The following MIA2 variants were observed in gnomAD, a reference collection of about 807,000 sequenced individuals.
MIA2 encodes MIA SH3 domain ER export factor 2.
In MIA2, 127 loss-of-function variants were observed where a neutral mutation model predicts 167.8. The observed-to-expected ratio is 0.76, with a 90% confidence interval of 0.66 to 0.88. The LOEUF (loss-of-function observed/expected upper bound fraction) is 0.88, where lower values mean the gene tolerates loss of function less well. MIA2 is among the 40% of genes least tolerant of loss of function. The pLI, the probability that MIA2 is intolerant of heterozygous loss-of-function variation, is 0.00. For missense variants in MIA2, 1,690 were observed against 1,624.7 expected, an observed-to-expected ratio of 1.04 and a Z score of -0.69; for synonymous variants, 552 against 541.9, an observed-to-expected ratio of 1.02 and a Z score of -0.26.
chr14:39,341,207 C>T (rs970749422), intron 25 of MIA2, among the ~76,000 whole-genome samples: 3 of 152,016 alleles, frequency 2.0e-5, no homozygotes, highest in African/African-American at 7.2e-5. Flanking sequence ...GAGGCTGAGG[C>T]AGGAGAATTG....
At position 39,350,134 on chromosome 14, in the gene MIA2, A is replaced by C. The variant is rs778982549; in HGVS notation, c.4109A>C (p.Tyr1370Ser). 9 of 1,377,152 alleles carry C rather than the reference A, an allele frequency of 6.5e-6. No individual in the cohort carries two copies. The Admixed American group carries it at 2.2e-4, about 34-fold the overall frequency. 85.3% of individuals were successfully genotyped at this position (1,377,152 alleles called of 1,614,324 possible). ...NVYPPRGFPP[Y>S]LPPRPGFFPP... ...TATCCACCGAGGGGTTTTCCTCCTT[A>C]CCTTCCCCCAAGACCTGGATTTTTC... The change falls in exon 29 of 29, where the codon TAC (tyrosine) becomes TCC (serine). Residue 1370 changes from tyrosine (Y) to serine (S), a missense_variant. Tyr to Ser is a moderately radical substitution (Grantham distance 144). Coordinates refer to ENST00000640607, the MANE Select transcript of MIA2 (RefSeq NM_001329214.4).
intron 23 of MIA2, among the ~76,000 whole-genome samples, chr14:39,366,149 C>CT (rs2074817911): frequency 6.6e-6 from 1 of 152,098 alleles, no homozygotes; most frequent in African/African-American, 2.4e-5. Context: ...TTAGTGGAGA[C>CT]TGTGGTGAGG....
At chr14:39,276,826 A>T in intron 6 of MIA2, 108 bp from the exon 7 acceptor site, 1 of 1,164,456 alleles carries the variant, frequency 8.6e-7, no homozygotes, top group Non-Finnish European at 1.2e-6. Flanking sequence ...GTTTGGTGTT[A>T]GTCTGGCAGC....
In MIA2 at chr14:39,313,331, G is replaced by T; in HGVS notation, c.3018-9G>T. 1 of 1,421,870 alleles carries T rather than the reference G, an allele frequency of 7.0e-7. No individual in the cohort carries two copies. 88.1% of individuals were successfully genotyped at this position (1,421,870 alleles called of 1,614,324 possible). A position where few individuals can be genotyped will look rare whatever the true frequency, so the allele number is the denominator to read the frequency against. Reference sequence around the variant, plus strand: ...TATTAAGAGAATTATAACATTTTTTGTTTTTAAGGAAATTAACAGTAGAGG... The same window carrying T: ...TATTAAGAGAATTATAACATTTTTTTTTTTTAAGGAAATTAACAGTAGAGG... On this transcript the variant is annotated splice_polypyrimidine_tract_variant and intron_variant, in intron 18 of 28. Transcript: ENST00000640607.
intron 6 of MIA2, chr14:39,267,628 T>TC (rs2056156297): frequency 6.7e-6 from 9 of 1,338,270 alleles, no homozygotes; most frequent in Middle Eastern, 2.0e-4. Flanking sequence ...TGGTCAGAGG[T>TC]CCCGAAGCCA....
At chr14:39,372,538 T>C (rs990871428) in intron 23 of MIA2, among the ~76,000 whole-genome samples, 3 of 152,210 alleles carry the variant, frequency 2.0e-5, no homozygotes, top group Admixed American at 6.5e-5. Flanking sequence ...TACCATATGT[T>C]AAATGTGCCT....
chr14:39,372,001 G>A (rs2074957014), intron 23 of MIA2, among the ~76,000 whole-genome samples: 1 of 151,842 alleles, frequency 6.6e-6, no homozygotes, highest in African/African-American at 2.4e-5. Flanking sequence ...AAGTCTTAAG[G>A]ATGGCTCTAA....
In MIA2 at chr14:39,326,859, A is replaced by G; in HGVS notation, c.3497-5A>G. The G allele has an allele frequency of 6.4e-7, 1 of 1,559,728 alleles. No homozygotes were observed. The highest frequency in any genetic ancestry group is 8.6e-7 in the Non-Finnish European group (1 of 1,161,418). Reference sequence around the variant, plus strand: ...AGATTTGTATGTTTTTTTTTCTTTAATTAGGCTCACGAGGCCCAGGGAATC... The same window carrying G: ...AGATTTGTATGTTTTTTTTTCTTTAGTTAGGCTCACGAGGCCCAGGGAATC... On this transcript the variant is annotated splice_polypyrimidine_tract_variant and splice_region_variant and intron_variant, in intron 24 of 28. Transcript: ENST00000640607.
intron 23 of MIA2, among the ~76,000 whole-genome samples, chr14:39,377,248 AAAG>A (rs1250067664): frequency 6.6e-6 from 1 of 152,064 alleles, no homozygotes; most frequent in African/African-American, 2.4e-5. Context: ...AAAAAAAAAA[AAAG>A]AACAATCCTG....
chr14:39,373,570 C>T (rs1274125486), intron 23 of MIA2, among the ~76,000 whole-genome samples: 1 of 152,128 alleles, frequency 6.6e-6, no homozygotes, highest in East Asian at 1.9e-4. Context: ...GCCTGTAATC[C>T]CAGCACTTTG....
At chr14:39,352,093 TC>T (rs2074402641), downstream of MIA2, among the ~76,000 whole-genome samples, 1 of 152,084 alleles carries the variant, frequency 6.6e-6, no homozygotes, top group African/African-American at 2.4e-5. Flanking sequence ...GTATACAATT[TC>T]CCCTTCTTAC....
At chr14:39,289,732 G>A (rs1031036744) in intron 9 of MIA2, among the ~76,000 whole-genome samples, 7 of 152,076 alleles carry the variant, frequency 4.6e-5, no homozygotes, top group African/African-American at 1.4e-4. Flanking sequence ...ATCCTCCCAC[G>A]TTGGCCTCCC....
intron 23 of MIA2, among the ~76,000 whole-genome samples, chr14:39,360,303 A>G (rs533668446): frequency 6.6e-6 from 1 of 152,290 alleles, no homozygotes; most frequent in South Asian, 2.1e-4. Flanking sequence ...TCCAAAAGAA[A>G]GCCATTCTAA....
Position 39,314,618 on chromosome 14 carries a change from T to G in MIA2, c.3120-121T>G, listed in dbSNP as rs537500161. 3.9e-4 allele frequency: 170 copies of G among 440,386 alleles called. 6 individuals are homozygous for G. Among genetic ancestry groups the G allele is most frequent in the South Asian group, 8.5e-4 (12 of 14,092 alleles). The allele number at this position is 440,386 out of a possible 1,614,324, so 27.3% of individuals were successfully genotyped here. On this transcript the variant is annotated intron_variant, in intron 19 of 28. Transcript: ENST00000640607. ...TAATGTGGAGTTCTGGAGTTTTTTT[T>G]TTTTTTTTTTTCATGAAGTAGAGCA...
chr14:39,330,879 A>G (rs933947137), intron 25 of MIA2, among the ~76,000 whole-genome samples: 1 of 152,136 alleles, frequency 6.6e-6, no homozygotes, highest in Non-Finnish European at 1.5e-5. Context: ...TTTACTTCCA[A>G]TTATGTGGTT....
In MIA2 at chr14:39,266,194, G is replaced by C. The variant is rs75221515; in HGVS notation, c.1888-10740G>C. On this transcript the variant is annotated intron_variant, in intron 6 of 28. Coordinates refer to ENST00000640607, the MANE Select transcript of MIA2 (RefSeq NM_001329214.4). ...GGAAGTATCTGCTCCTTTTTGAGTTGCTTCACCAAAGTACTTGAGTGAGAA... is the reference window on the plus strand; with the variant it reads ...GGAAGTATCTGCTCCTTTTTGAGTTCCTTCACCAAAGTACTTGAGTGAGAA... The C allele has an allele frequency of 1.4e-3, 1,361 of 985,328 alleles. 11 individuals carry two copies. In the African/African-American group the frequency reaches 0.022, roughly 16 times the overall value. 61.0% of individuals were successfully genotyped at this position (985,328 alleles called of 1,614,324 possible). A position where few individuals can be genotyped will look rare whatever the true frequency, so the allele number is the denominator to read the frequency against.
At chr14:39,275,388 A>G (rs892831294) in intron 6 of MIA2, among the ~76,000 whole-genome samples, 2 of 152,164 alleles carry the variant, frequency 1.3e-5, no homozygotes, top group African/African-American at 2.4e-5. Flanking sequence ...TGATCCGCCT[A>G]CGTTGGCTTC....
At chr14:39,317,757 A>G (rs924159159) in intron 21 of MIA2, among the ~76,000 whole-genome samples, 187 bp from the exon 22 acceptor site, 8 of 152,320 alleles carry the variant, frequency 5.3e-5, no homozygotes, top group South Asian at 2.1e-4. Context: ...AAGAGTGGGT[A>G]TAGAAATTCT....
chr14:39,296,639 T>TA (rs2061468573), intron 13 of MIA2, among the ~76,000 whole-genome samples: 6 of 145,820 alleles, frequency 4.1e-5, no homozygotes, highest in African/African-American at 1.5e-4. Context: ...TTTTTATTAT[T>TA]TTTTTTTTAT....
Sources: gnomAD v4.1 joint callset for allele counts (sites outside exome capture counted in the v4.1 genomes callset) on GRCh38, gnomAD v4.1.1 for gene constraint, MANE v1.5 for transcripts, NCBI Gene and HGNC (gene_info 2026-07-23, HGNC 2026-07-21) for gene names.